The following PSD3 variants were observed in gnomAD, a reference collection of about 807,000 sequenced individuals.
PSD3 encodes the protein PH and SEC7 domain-containing protein 3.
In PSD3, 49 loss-of-function variants were observed where a neutral mutation model predicts 105.5. The ratio of observed to expected loss-of-function variants is 0.46; its 90% CI spans 0.37 to 0.59. PSD3 has a LOEUF of 0.59. Among genes scored for constraint, PSD3 ranks in the 20% least tolerant of loss-of-function variants. PSD3 has a pLI of 0.00. For missense variants in PSD3, 1,561 were observed against 1,263.8 expected, an observed-to-expected ratio of 1.24 and a Z score of -3.57; for synonymous variants, 557 against 457.8, an observed-to-expected ratio of 1.22 and a Z score of -2.77.
chr8:18,972,453 G>GT (rs1480599718), intron 1 of PSD3, among the ~76,000 whole-genome samples: 3 of 152,158 alleles, frequency 2.0e-5, no homozygotes, highest in Non-Finnish European at 4.4e-5. Context: ...TAATTCCTGG[G>GT]AACATTTGAA....
intron 9 of PSD3, among the ~76,000 whole-genome samples, chr8:18,736,508 T>C (rs1318575836): frequency 6.6e-6 from 1 of 152,202 alleles, no homozygotes; most frequent in Admixed American, 6.5e-5. Context: ...TTACTAAAAC[T>C]AGAGTCTATT....
intron 9 of PSD3, among the ~76,000 whole-genome samples, chr8:18,732,559 G>C (rs1803840550): frequency 6.6e-6 from 1 of 152,226 alleles, no homozygotes; most frequent in Non-Finnish European, 1.5e-5. Context: ...CATGGTGCCA[G>C]CTGCAAGCTG....
chr8:18,588,464 G>A (rs1489646418), intron 12 of PSD3, among the ~76,000 whole-genome samples: 1 of 152,136 alleles, frequency 6.6e-6, no homozygotes, highest in Non-Finnish European at 1.5e-5. Flanking sequence ...CCCTTTTGCA[G>A]GCTTATTCTC....
chr8:18,555,887 G>C (rs1801039512), intron 15 of PSD3, among the ~76,000 whole-genome samples: 1 of 152,278 alleles, frequency 6.6e-6, no homozygotes, highest in Non-Finnish European at 1.5e-5. Context: ...AGAGACACAG[G>C]GATACAGAAA....
chr8:18,948,890 T>C (rs747612419), intron 1 of PSD3, among the ~76,000 whole-genome samples: 11 of 151,974 alleles, frequency 7.2e-5, no homozygotes, highest in Non-Finnish European at 1.2e-4. Flanking sequence ...CTCACCTTAG[T>C]TTGCTATATC....
intron 9 of PSD3, among the ~76,000 whole-genome samples, chr8:18,666,185 G>A (rs10106170): frequency 0.038 from 5,803 of 152,260 alleles, 111 homozygotes; most frequent in East Asian, 0.052. Flanking sequence ...TGAGTAGCTG[G>A]AATTATAGGG....
At chr8:18,601,446 G>C (rs935311270) in intron 11 of PSD3, among the ~76,000 whole-genome samples, 1 of 152,156 alleles carries the variant, frequency 6.6e-6, no homozygotes, top group African/African-American at 2.4e-5. Flanking sequence ...ACATTAGAAA[G>C]TACATTATTG....
chr8:18,831,984 T>C (rs576140169), intron 4 of PSD3, among the ~76,000 whole-genome samples: 1 of 152,346 alleles, frequency 6.6e-6, no homozygotes, highest in East Asian at 1.9e-4. Context: ...TATTAACTTC[T>C]GAAAACATTT....
rs1809874775 is a variant in PSD3, at chr8:18,793,084, CAAACACCGCATGTTCTCACTCAT to C, written c.2082+6188_2082+6210del. On this transcript the variant is annotated intron_variant, in intron 8 of 15. Coordinates refer to ENST00000327040, the MANE Select transcript of PSD3 (RefSeq NM_015310.4). Reference sequence around the variant, plus strand: ...GCAAACTACCGCAAGGACAGAAAACCAAACACCGCATGTTCTCACTCATAGGTGGGAACTGAACAATGAGAACA... The same window carrying C: ...GCAAACTACCGCAAGGACAGAAAACCAGGTGGGAACTGAACAATGAGAACA... Among the ~76,000 whole-genome samples the C allele has an allele frequency of 2.6e-5, 4 of 152,208 alleles. No homozygotes were observed. In the South Asian group the frequency reaches 8.3e-4, roughly 32 times the overall value.
chr8:18,913,883 A>G (rs1187805111), intron 2 of PSD3, among the ~76,000 whole-genome samples: 2 of 151,786 alleles, frequency 1.3e-5, no homozygotes, highest in East Asian at 1.9e-4. Context: ...CCCCAACCCT[A>G]TTGATCCAGG....
At chr8:18,994,583 T>C (rs1186551007) in intron 1 of PSD3, among the ~76,000 whole-genome samples, 4 of 152,042 alleles carry the variant, frequency 2.6e-5, no homozygotes, top group African/African-American at 4.8e-5. Context: ...GTGTAAAATA[T>C]AGGCCAGATT....
At chr8:18,789,013 C>G (rs1485673546) in intron 8 of PSD3, among the ~76,000 whole-genome samples, 1 of 152,138 alleles carries the variant, frequency 6.6e-6, no homozygotes, top group African/African-American at 2.4e-5. Context: ...AATCACAGAG[C>G]TCATTTAAGT....
intron 9 of PSD3, among the ~76,000 whole-genome samples, chr8:18,712,613 T>C (rs1246853670): frequency 6.6e-6 from 1 of 151,994 alleles, no homozygotes; most frequent in Non-Finnish European, 1.5e-5. Flanking sequence ...CAATATTGAG[T>C]TCTGATATTG....
At chr8:18,965,092 C>A (rs937056427) in intron 1 of PSD3, among the ~76,000 whole-genome samples, 9 of 152,194 alleles carry the variant, frequency 5.9e-5, no homozygotes, top group African/African-American at 2.2e-4. Context: ...AAGCATTATA[C>A]TTCACTGGAA....
intron 2 of PSD3, among the ~76,000 whole-genome samples, chr8:18,891,051 T>C (rs1455424002): frequency 6.6e-6 from 1 of 152,188 alleles, no homozygotes; most frequent in Non-Finnish European, 1.5e-5. Flanking sequence ...TGTCAGTCCC[T>C]GTTAACCCAG....
chr8:19,032,504 G>T (rs1744693905), intron 1 of PSD3, among the ~76,000 whole-genome samples: 1 of 151,886 alleles, frequency 6.6e-6, no homozygotes, highest in African/African-American at 2.4e-5. Flanking sequence ...AATAAAATTA[G>T]CCAGGCACAG....
At chr8:18,538,236 A>G (rs1252718266) in intron 15 of PSD3, among the ~76,000 whole-genome samples, 1 of 152,252 alleles carries the variant, frequency 6.6e-6, no homozygotes, top group Non-Finnish European at 1.5e-5. Flanking sequence ...AGTTTAAAGC[A>G]TTACTAAACA....
chr8:18,575,513 A>G (rs1802414241), intron 12 of PSD3, among the ~76,000 whole-genome samples: 1 of 152,208 alleles, frequency 6.6e-6, no homozygotes. Context: ...ATTTTTTTAA[A>G]AATCAGTTTT....
At chr8:18,783,238 C>A (rs1808807754) in intron 8 of PSD3, among the ~76,000 whole-genome samples, 2 of 152,084 alleles carry the variant, frequency 1.3e-5, no homozygotes, top group Non-Finnish European at 2.9e-5. Flanking sequence ...AGAATTTGTT[C>A]ATTTCATCTA....
Sources: allele counts gnomAD v4.1 joint callset (sites outside exome capture counted in the v4.1 genomes callset), GRCh38; gene constraint gnomAD v4.1.1; transcripts MANE v1.5; gene names NCBI Gene and HGNC (gene_info 2026-07-23, HGNC 2026-07-21).